Variants in COMMD10 observed in about 807,000 individuals in gnomAD.
COMMD10 encodes the protein COMM domain containing 10, also known as COMM domain-containing protein 10.
COMMD10 carries 33 observed loss-of-function variants against 28.9 expected under a neutral mutation model. The observed-to-expected ratio is 1.14, with a 90% CI of 0.87 to 1.53. The LOEUF (loss-of-function observed/expected upper bound fraction) is 1.53. Ranked by LOEUF, COMMD10 falls within the 40% of genes most tolerant of loss-of-function variation. The pLI is 0.00. For synonymous variants in COMMD10, 110 were observed against 81.7 expected (o/e 1.35, Z -1.87); for missense variants, 310 against 233.4 (o/e 1.33, Z -2.14).
intron 5 of COMMD10, among the ~76,000 whole-genome samples, chr5:116,204,903 G>A (rs1178916063): frequency 6.6e-6 from 1 of 152,048 alleles, no homozygotes; most frequent in Admixed American, 6.6e-5. Flanking sequence ...CTGTTTTACT[G>A]GAAGAGTATC....
intron 5 of COMMD10, among the ~76,000 whole-genome samples, chr5:116,259,835 T>A (rs1248241805): frequency 6.6e-6 from 1 of 151,688 alleles, no homozygotes; most frequent in African/African-American, 2.4e-5. Flanking sequence ...GAAATTGCAT[T>A]TGGGAGAATG....
At chr5:116,131,538 A>T (rs1354425905) in intron 4 of COMMD10, among the ~76,000 whole-genome samples, 1 of 151,980 alleles carries the variant, frequency 6.6e-6, no homozygotes, top group African/African-American at 2.4e-5. Context: ...TCTTTCATAC[A>T]TTCATTTTCA....
chr5:116,183,838 G>GTCTATATATA (rs1386041124), intron 5 of COMMD10, among the ~76,000 whole-genome samples: 14 of 152,090 alleles, frequency 9.2e-5, no homozygotes, highest in Non-Finnish European at 2.1e-4. Flanking sequence ...GGTATATATG[G>GTCTATATATA]TGGCAGGCTA....
At position 116,278,990 on chromosome 5, in the gene COMMD10, C is replaced by A. The variant is rs538775212; in HGVS notation, c.511-12527C>A. The stretch of plus-strand genomic sequence containing the variant: ...TATTTTCCATATCCAATATTTTTTT[C>A]CTTCAGGGGAAAAATGACTTGATGT... On this transcript the variant is annotated intron_variant, in intron 5 of 6. Coordinates refer to ENST00000274458, the MANE Select transcript of COMMD10 (RefSeq NM_016144.4). Among the ~76,000 whole-genome samples, 4 of 151,698 alleles carry A rather than the reference C, an allele frequency of 2.6e-5. No homozygotes were observed. In the South Asian group the frequency reaches 8.3e-4, roughly 31 times the overall value.
intron 5 of COMMD10, among the ~76,000 whole-genome samples, chr5:116,135,024 A>G (rs1031809742): frequency 1.3e-5 from 2 of 152,188 alleles, no homozygotes; most frequent in Non-Finnish European, 2.9e-5. Context: ...ACTTTTTGTT[A>G]CTGCGGCATA....
At chr5:116,241,969 A>T (rs1431761634) in intron 5 of COMMD10, among the ~76,000 whole-genome samples, 3 of 152,110 alleles carry the variant, frequency 2.0e-5, no homozygotes, top group Admixed American at 2.0e-4. Flanking sequence ...GGATCCCTCA[A>T]CTCATGTGAA....
intron 5 of COMMD10, among the ~76,000 whole-genome samples, chr5:116,257,426 T>C (rs1353428350): frequency 6.6e-6 from 1 of 151,738 alleles, no homozygotes; most frequent in Admixed American, 6.6e-5. Flanking sequence ...CAGTTCCAGA[T>C]GTTCCACGAT....
chr5:116,127,962 TTATCA>T (rs1161061200), intron 4 of COMMD10, among the ~76,000 whole-genome samples: 3 of 151,994 alleles, frequency 2.0e-5, no homozygotes, highest in Non-Finnish European at 4.4e-5. Context: ...ACATAACAGA[TTATCA>T]GAGAAGACTG....
intron 5 of COMMD10, among the ~76,000 whole-genome samples, chr5:116,219,360 T>C (rs1377837462): frequency 1.3e-5 from 2 of 152,098 alleles, no homozygotes; most frequent in East Asian, 3.8e-4. Flanking sequence ...TCCTCACAGA[T>C]AGAAACTGCT....
chr5:116,275,201 A>G (rs1287765265), intron 5 of COMMD10, among the ~76,000 whole-genome samples: 1 of 151,708 alleles, frequency 6.6e-6, no homozygotes, highest in Non-Finnish European at 1.5e-5. Context: ...TTGTGGATGT[A>G]CCTCCAAAAT....
chr5:116,278,218 G>C (rs17139353), intron 5 of COMMD10, among the ~76,000 whole-genome samples: 1 of 151,552 alleles, frequency 6.6e-6, no homozygotes, highest in South Asian at 2.1e-4. Flanking sequence ...ATTGTTTTTA[G>C]CTGTCAATGC....
chr5:116,121,600 A>G (rs868865830), intron 4 of COMMD10, among the ~76,000 whole-genome samples: 4 of 152,156 alleles, frequency 2.6e-5, no homozygotes, highest in Middle Eastern at 3.2e-3. Flanking sequence ...TCCCACCAAC[A>G]GTGTAAAAGC....
chr5:116,277,755 C>T (rs1266739006), intron 5 of COMMD10, among the ~76,000 whole-genome samples: 1 of 151,886 alleles, frequency 6.6e-6, no homozygotes, highest in Non-Finnish European at 1.5e-5. Flanking sequence ...CATTGGTTCT[C>T]TTTTCCTTGA....
At chr5:116,186,129 A>C (rs952281364) in intron 5 of COMMD10, among the ~76,000 whole-genome samples, 1 of 152,172 alleles carries the variant, frequency 6.6e-6, no homozygotes, top group Non-Finnish European at 1.5e-5. Flanking sequence ...AACATGTTCA[A>C]ATAAATCCAA....
intron 4 of COMMD10, among the ~76,000 whole-genome samples, chr5:116,104,581 T>G (rs913632652): frequency 7.9e-5 from 12 of 152,212 alleles, no homozygotes; most frequent in Non-Finnish European, 1.3e-4. Flanking sequence ...TACAATCATG[T>G]CATCTGTAAA....
intron 5 of COMMD10, among the ~76,000 whole-genome samples, chr5:116,262,039 G>T (rs183114208): frequency 6.6e-6 from 1 of 151,634 alleles, no homozygotes; most frequent in Admixed American, 6.6e-5. Flanking sequence ...AGATAAAGAA[G>T]GTAAGGCACA....
chr5:116,251,285 TA>T (rs760451413), intron 5 of COMMD10, among the ~76,000 whole-genome samples: 7,466 of 148,194 alleles, frequency 0.05, 244 homozygotes, highest in African/African-American at 0.099. Context: ...TTTATTTATT[TA>T]TTTATTTATT....
chr5:116,260,866 T>G (rs1380316690), intron 5 of COMMD10, among the ~76,000 whole-genome samples: 1 of 151,770 alleles, frequency 6.6e-6, no homozygotes, highest in African/African-American at 2.4e-5. Context: ...TACATAGGGT[T>G]TATTTGTGGA....
intron 5 of COMMD10, among the ~76,000 whole-genome samples, chr5:116,217,475 A>G (rs1338770854): frequency 6.6e-6 from 1 of 152,212 alleles, no homozygotes; most frequent in African/African-American, 2.4e-5. Context: ...GACCCTGACT[A>G]TCAGGAAGTG....
Sources: allele counts gnomAD v4.1 joint callset (sites outside exome capture counted in the v4.1 genomes callset), GRCh38; gene constraint gnomAD v4.1.1; transcripts MANE v1.5; gene names NCBI Gene and HGNC (gene_info 2026-07-23, HGNC 2026-07-21).